Variants in KIAA1210 observed in about 807,000 individuals in gnomAD.
KIAA1210 encodes acrosomal protein KIAA1210.
A neutral mutation model predicts 78.9 loss-of-function variants in KIAA1210; 48 were observed. The ratio of observed to expected loss-of-function variants is 0.61; its 90% CI spans 0.48 to 0.77. The LOEUF (loss-of-function observed/expected upper bound fraction) is 0.77, where lower values mean the gene tolerates loss of function less well. Ranked by LOEUF, KIAA1210 falls within the 30% of genes least tolerant of loss-of-function variation. The pLI is 0.00. For synonymous variants in KIAA1210, 406 were observed against 404.5 expected (o/e 1.00, Z -0.04); for missense variants, 1,108 against 1,100.0 (o/e 1.01, Z -0.10).
rs745408240 is a variant in KIAA1210 at position 119,087,974 on chromosome X, A to T, written c.2728T>A (p.Ser910Thr). The T allele has an allele frequency of 4.1e-6, 5 of 1,210,894 alleles. No individual in the cohort carries two copies. The highest frequency in any genetic ancestry group is 4.5e-6 in the Non-Finnish European group (4 of 895,150). The part of the protein sequence containing the change: ...PVAPTPSKYT[S>T]PPWVTPKFEE... ...AATTTAGGGGTCACCCATGGCGGGG[A>T]AGTGTATTTGGAAGGTGTTGGTGCC... Residue 910 changes from serine to threonine, a missense_variant, in exon 9 of 12, where the codon TCC becomes ACC. By Grantham distance (58) the Ser-to-Thr change is moderately conservative (BLOSUM62 1). Around this residue, in one of 5 missense-constraint regions of KIAA1210, gnomAD observed 179 missense variants for 174.1 expected, o/e 1.03. Transcript: ENST00000691062.
rs181233388 is a variant in KIAA1210, at chrX:119,122,408, A to G, written c.61+1174T>C. ...TTCTAACTAAACTTTCTTCCCTTTA[A>G]CCTCCCAACAGCCACCTTATTCTCT... is the stretch of plus-strand genomic sequence containing the variant. On this transcript the variant is annotated intron_variant, in intron 2 of 11. Coordinates refer to ENST00000691062, the MANE Select transcript of KIAA1210 (RefSeq NM_001394962.1). 1.8e-3 allele frequency among the ~76,000 whole-genome samples: 199 copies of G among 111,219 alleles called. 1 individual carries two copies. The highest frequency in any genetic ancestry group is 6.0e-3 in the African/African-American group (183 of 30,626).
intron 2 of KIAA1210, among the ~76,000 whole-genome samples, chrX:119,137,487 C>T (rs780005835): frequency 6.1e-4 from 69 of 112,579 alleles, no homozygotes; most frequent in Admixed American, 6.5e-4. Flanking sequence ...GTCATAGCCC[C>T]TCTTTGGACC....
chrX:119,083,245 G>T, intron 10 of KIAA1210, 125 bp from the exon 11 acceptor site: 1 of 396,717 alleles, frequency 2.5e-6, no homozygotes. Context: ...GTATCCAAAA[G>T]GAAAGAGATT....
At position 119,088,461 on chromosome X, in the gene KIAA1210, A is replaced by G; in HGVS notation, c.2241T>C (p.Val747=). The G allele has an allele frequency of 8.3e-7, 1 of 1,210,861 alleles. No individual in the cohort carries two copies. Among genetic ancestry groups the G allele is most frequent in the Non-Finnish European group, 1.1e-6 (1 of 895,151 alleles). ...CPSQPIMNPT[V]QQQVPTSSVG... Reference sequence around the variant, plus strand: ...CTGAACTGGTGGGGACTTGTTGCTGAACAGTAGGATTCATAATGGGCTGAG... The same window carrying G: ...CTGAACTGGTGGGGACTTGTTGCTGGACAGTAGGATTCATAATGGGCTGAG... The change falls in exon 9 of 12, where the codon GTT becomes GTC. Residue 747 remains valine, a synonymous_variant. Transcript: ENST00000691062.
intron 2 of KIAA1210, among the ~76,000 whole-genome samples, chrX:119,136,324 T>C (rs150794341): frequency 1.4e-4 from 16 of 112,484 alleles, no homozygotes; most frequent in African/African-American, 5.2e-4. Flanking sequence ...ACTTTCTGGT[T>C]TCATCTTGCA....
At chrX:119,095,935 C>G (rs150784579) in intron 7 of KIAA1210, among the ~76,000 whole-genome samples, 3,937 of 111,741 alleles carry the variant, frequency 0.035, 100 homozygotes, top group Non-Finnish European at 0.056. Flanking sequence ...TGTCACTTCT[C>G]TTTGCTGTCA....
intron 6 of KIAA1210, among the ~76,000 whole-genome samples, chrX:119,103,029 C>G (rs184964555): frequency 8.9e-6 from 1 of 111,768 alleles, no homozygotes; most frequent in Non-Finnish European, 1.9e-5. Flanking sequence ...AAAATGCAAC[C>G]ATTTGTCTCT....
chrX:119,082,650 T>C (rs755732632), intron 11 of KIAA1210, among the ~76,000 whole-genome samples: 53 of 112,033 alleles, frequency 4.7e-4, no homozygotes, highest in Non-Finnish European at 8.5e-4. Flanking sequence ...AACAGTTTCA[T>C]TGGAGATGTA....
chrX:119,092,626 C>T (rs1049343905), intron 8 of KIAA1210, among the ~76,000 whole-genome samples: 23 of 109,566 alleles, frequency 2.1e-4, no homozygotes, highest in South Asian at 7.9e-4. Context: ...CCAAGCGTGG[C>T]GGCGGGCGCC....
At chrX:119,142,815 G>T (rs1007405006) in intron 2 of KIAA1210, among the ~76,000 whole-genome samples, 1 of 105,847 alleles carries the variant, frequency 9.4e-6, no homozygotes, top group African/African-American at 3.4e-5. Context: ...GAGAGGGGAG[G>T]AGGTGCCAGG....
chrX:119,133,910 A>T (rs1170645708), intron 2 of KIAA1210, among the ~76,000 whole-genome samples: 1 of 111,172 alleles, frequency 9.0e-6, no homozygotes, highest in East Asian at 2.8e-4. Flanking sequence ...ACTTTGTTAC[A>T]TGCATAGAAC....
chrX:119,102,037 C>T (rs766315455), intron 6 of KIAA1210, among the ~76,000 whole-genome samples: 1 of 112,641 alleles, frequency 8.9e-6, no homozygotes, highest in African/African-American at 3.2e-5. Context: ...TGTTAGCTGT[C>T]GTTGCTATTG....
intron 2 of KIAA1210, among the ~76,000 whole-genome samples, chrX:119,135,194 C>G (rs183940806): frequency 4.5e-5 from 5 of 111,931 alleles, no homozygotes; most frequent in African/African-American, 1.3e-4. Context: ...ACACTCTTCT[C>G]CTTCCTCACT....
At chrX:119,131,287 T>C (rs1266782198), upstream of KIAA1210, among the ~76,000 whole-genome samples, 4 of 111,722 alleles carry the variant, frequency 3.6e-5, no homozygotes, top group African/African-American at 9.8e-5. Context: ...CCTAATCAGG[T>C]GGGCCTCTGA....
upstream of KIAA1210, chrX:119,150,718 G>A: frequency 1.2e-5 from 8 of 657,260 alleles, no homozygotes; most frequent in South Asian, 2.8e-5. Flanking sequence ...GGAGGGCACC[G>A]CCCCCAACCA....
chrX:119,082,984 T>G lies in KIAA1210; in HGVS notation c.4426+31A>C, dbSNP rs757753615. On this transcript the variant is annotated intron_variant, in intron 11 of 11. Coordinates refer to ENST00000691062, the MANE Select transcript of KIAA1210 (RefSeq NM_001394962.1). ...GTTTTACAACATTCTGTCGGGGCTGTTTTTTGAGAGGTCAGAATGTATGCT... is the reference window on the plus strand; with the variant it reads ...GTTTTACAACATTCTGTCGGGGCTGGTTTTTGAGAGGTCAGAATGTATGCT... 4.7e-6 allele frequency: 5 copies of G among 1,056,022 alleles called. No individual in the cohort carries two copies. In the South Asian group the frequency reaches 1.1e-4, roughly 23 times the overall value. The allele number at this position is 1,056,022 out of a possible 1,213,427, so 87.0% of individuals were successfully genotyped here.
In KIAA1210 at chrX:119,096,569, G is replaced by T; in HGVS notation, c.771C>A (p.Gly257=). 3 of 1,211,686 alleles carry T rather than the reference G, an allele frequency of 2.5e-6. No individual in the cohort carries two copies. The highest frequency in any genetic ancestry group is 3.4e-6 in the Non-Finnish European group (3 of 895,329). ...GGCGAGCAGCTGAAGAATCCAAACA[G>T]CCCTGGGTGGTGGCTGGGGTGCTGA... ...IGFSTPATTQ[G]CLDSSAARHK... is the part of the protein sequence containing the mutation. Residue 257 remains glycine, a synonymous_variant, in exon 7 of 12, where the codon GGC becomes GGA. Coordinates refer to ENST00000691062, the MANE Select transcript of KIAA1210 (RefSeq NM_001394962.1).
chrX:119,133,075 G>A (rs1207634732), intron 2 of KIAA1210, among the ~76,000 whole-genome samples: 1 of 111,664 alleles, frequency 9.0e-6, no homozygotes, highest in Non-Finnish European at 1.9e-5. Context: ...TCTAGAGGGA[G>A]CGTCTGATGC....
intron 6 of KIAA1210, among the ~76,000 whole-genome samples, chrX:119,103,887 C>A (rs1451579044): frequency 8.9e-6 from 1 of 111,769 alleles, no homozygotes; most frequent in African/African-American, 3.3e-5. Flanking sequence ...GTGAAATATC[C>A]AGAGTAGGCA....
Sources: gnomAD v4.1 joint callset for allele counts (sites outside exome capture counted in the v4.1 genomes callset) on GRCh38, gnomAD v4.1.1 for gene constraint, gnomAD v4.1.1 regional missense constraint, MANE v1.5 for transcripts, NCBI Gene and HGNC (gene_info 2026-07-23, HGNC 2026-07-21) for gene names.